The following MDGA2 variants were observed in gnomAD, a reference collection of about 807,000 sequenced individuals.
MDGA2 encodes MAM domain-containing glycosylphosphatidylinositol anchor protein 2.
In MDGA2, 40 loss-of-function variants were observed where a neutral mutation model predicts 117.8. That is an observed-to-expected ratio of 0.34 (90% CI 0.26 to 0.44). The LOEUF is 0.44. Among genes scored for constraint, MDGA2 ranks in the 20% least tolerant of loss-of-function variants. The probability of loss-of-function intolerance (pLI) is 1.00; values close to 1 mark genes in which losing one functional copy is unlikely to be tolerated. For synonymous variants in MDGA2, 452 were observed against 439.0 expected, an observed-to-expected ratio of 1.03 and a Z score of -0.37; for missense variants, 1,123 against 1,250.6, an observed-to-expected ratio of 0.90 and a Z score of 1.54.
At chr14:47,092,812 T>C (rs755046361) in intron 6 of MDGA2, among the ~76,000 whole-genome samples, 1 of 151,938 alleles carries the variant, frequency 6.6e-6, no homozygotes, top group Non-Finnish European at 1.5e-5. Context: ...GTTGGCTGCT[T>C]AGAGGAAAAA....
At chr14:47,187,246 C>A (rs181841479) in intron 3 of MDGA2, among the ~76,000 whole-genome samples, 2 of 151,942 alleles carry the variant, frequency 1.3e-5, no homozygotes, top group African/African-American at 4.8e-5. Context: ...ATGTAAATCC[C>A]AGCAACACTT....
chr14:47,668,305 T>C (rs1398857939), intron 1 of MDGA2, among the ~76,000 whole-genome samples: 1 of 152,180 alleles, frequency 6.6e-6, no homozygotes, highest in Non-Finnish European at 1.5e-5. Flanking sequence ...AAAACGGAAA[T>C]AATTAAGTAC....
At chr14:47,344,939 C>A (rs146840144) in intron 1 of MDGA2, among the ~76,000 whole-genome samples, 1 of 151,552 alleles carries the variant, frequency 6.6e-6, no homozygotes, top group Non-Finnish European at 1.5e-5. Context: ...TATTTAATAA[C>A]AACTTCTAAA....
intron 10 of MDGA2, among the ~76,000 whole-genome samples, chr14:46,915,858 C>T (rs1391996405): frequency 6.6e-6 from 1 of 152,122 alleles, no homozygotes; most frequent in African/African-American, 2.4e-5. Flanking sequence ...ATAAACACAG[C>T]GGCCAGGCTT....
chr14:47,342,630 G>T lies in MDGA2; in HGVS notation c.281-41080C>A, dbSNP rs116176743. On this transcript the variant is annotated intron_variant, in intron 1 of 16. Transcript: ENST00000399232. ...ATGCAGCTATATATTTTACTAAGAAGAATTCCAGCACAGCATAGAAATAAT... is the reference window on the plus strand; with the variant it reads ...ATGCAGCTATATATTTTACTAAGAATAATTCCAGCACAGCATAGAAATAAT... Among the ~76,000 whole-genome samples, 476 of 152,214 alleles carry T rather than the reference G, an allele frequency of 3.1e-3. 4 individuals carry two copies. The highest frequency in any genetic ancestry group is 0.011 in the African/African-American group (459 of 41,534).
chr14:46,879,578 G>C (rs976629728), intron 11 of MDGA2, among the ~76,000 whole-genome samples: 1 of 152,006 alleles, frequency 6.6e-6, no homozygotes, highest in Non-Finnish European at 1.5e-5. Flanking sequence ...TTTCATTTTA[G>C]TTTGTTGCCT....
chr14:46,969,924 A>C (rs1475195342), intron 8 of MDGA2, among the ~76,000 whole-genome samples: 1 of 133,946 alleles, frequency 7.5e-6, no homozygotes, highest in South Asian at 2.5e-4. Flanking sequence ...CTTAGAACTT[A>C]AAGTATTCCA....
chr14:47,354,214 A>C (rs915983511), intron 1 of MDGA2, among the ~76,000 whole-genome samples: 2 of 152,136 alleles, frequency 1.3e-5, no homozygotes, highest in African/African-American at 4.8e-5. Flanking sequence ...AATATTTGAA[A>C]ATTTTTCTTC....
intron 1 of MDGA2, among the ~76,000 whole-genome samples, chr14:47,670,784 T>C (rs955214521): frequency 3.9e-5 from 6 of 152,092 alleles, no homozygotes; most frequent in African/African-American, 1.4e-4. Flanking sequence ...AAAAGGAAAA[T>C]TCAAACAAAA....
intron 1 of MDGA2, among the ~76,000 whole-genome samples, chr14:47,472,952 A>G (rs1426365794): frequency 6.6e-6 from 1 of 152,146 alleles, no homozygotes; most frequent in Admixed American, 6.6e-5. Flanking sequence ...TCTCCAACCA[A>G]TTAAAAAGAC....
intron 1 of MDGA2, among the ~76,000 whole-genome samples, chr14:47,519,820 C>CT (rs1566495935): frequency 6.6e-6 from 1 of 152,110 alleles, no homozygotes; most frequent in Admixed American, 6.6e-5. Flanking sequence ...ATTTTCTCCT[C>CT]TTTTTTGGAA....
At chr14:46,964,241 C>T (rs770385737) in intron 8 of MDGA2, among the ~76,000 whole-genome samples, 7 of 152,052 alleles carry the variant, frequency 4.6e-5, no homozygotes, top group Non-Finnish European at 1.0e-4. Flanking sequence ...ACACAAGAAA[C>T]CATCTTGGAC....
intron 1 of MDGA2, among the ~76,000 whole-genome samples, chr14:47,462,450 A>G (rs1298176242): frequency 6.6e-6 from 1 of 152,172 alleles, no homozygotes; most frequent in East Asian, 1.9e-4. Flanking sequence ...GAAGCCCACA[A>G]AGGTTGGTAA....
intron 9 of MDGA2, among the ~76,000 whole-genome samples, chr14:46,948,770 A>G (rs577460671): frequency 1.8e-4 from 27 of 152,138 alleles, no homozygotes; most frequent in Middle Eastern, 6.8e-3. Context: ...GAGGGGAAAA[A>G]GCTCACCTAA....
At chr14:47,659,244 G>A (rs980790483) in intron 1 of MDGA2, among the ~76,000 whole-genome samples, 1 of 152,132 alleles carries the variant, frequency 6.6e-6, no homozygotes, top group African/African-American at 2.4e-5. Flanking sequence ...ACAATAGTAG[G>A]TTGAAATTCT....
chr14:46,938,578 C>CA (rs1177503797), intron 9 of MDGA2, among the ~76,000 whole-genome samples: 1 of 104,260 alleles, frequency 9.6e-6, no homozygotes, highest in Non-Finnish European at 2.2e-5. Context: ...CATCTGACCC[C>CA]AATTAGAACA....
chr14:47,535,968 T>C (rs1895202064), intron 1 of MDGA2, among the ~76,000 whole-genome samples: 1 of 152,246 alleles, frequency 6.6e-6, no homozygotes, highest in African/African-American at 2.4e-5. Context: ...TCTCTTTTAC[T>C]TCTTGGAGGA....
intron 14 of MDGA2, among the ~76,000 whole-genome samples, chr14:46,858,076 A>G (rs1004058656): frequency 1.3e-5 from 2 of 151,386 alleles, no homozygotes; most frequent in African/African-American, 4.8e-5. Flanking sequence ...GTACTTATAT[A>G]TAATGTAACT....
At chr14:47,013,342 C>A (rs540377651) in intron 8 of MDGA2, among the ~76,000 whole-genome samples, 1 of 152,258 alleles carries the variant, frequency 6.6e-6, no homozygotes, top group African/African-American at 2.4e-5. Flanking sequence ...TGCTTATCCA[C>A]AAGAAGCAAC....
Sources: allele counts gnomAD v4.1 joint callset (sites outside exome capture counted in the v4.1 genomes callset), GRCh38; gene constraint gnomAD v4.1.1; transcripts MANE v1.5; gene names NCBI Gene and HGNC (gene_info 2026-07-23, HGNC 2026-07-21).